Variants in LPGAT1 observed in about 807,000 individuals in gnomAD.
LPGAT1 encodes acyl-CoA:lysophosphatidylglycerol acyltransferase 1.
A neutral mutation model predicts 47.5 loss-of-function variants in LPGAT1; 11 were observed. The ratio of observed to expected loss-of-function variants is 0.23; its 90% confidence interval spans 0.15 to 0.38. The LOEUF is 0.38. Ranked by LOEUF, LPGAT1 falls within the 10% of genes least tolerant of loss-of-function variation. LPGAT1 has a pLI of 1.00. For missense variants in LPGAT1, 293 were observed against 439.0 expected, an observed-to-expected ratio of 0.67 and a Z score of 2.97; for synonymous variants, 138 against 144.2, an observed-to-expected ratio of 0.96 and a Z score of 0.31.
At chr1:211,812,962 C>A (rs536553472) in intron 2 of LPGAT1, among the ~76,000 whole-genome samples, 2 of 152,294 alleles carry the variant, frequency 1.3e-5, no homozygotes, top group East Asian at 3.9e-4. Context: ...TTGGTAGTCA[C>A]AGGAAACTAA....
At chr1:211,825,188 CTTTTTTTTTTTTTT>C (rs953536979) in intron 2 of LPGAT1, among the ~76,000 whole-genome samples, 16 of 70,902 alleles carry the variant, frequency 2.3e-4, no homozygotes, top group Middle Eastern at 0.025. Flanking sequence ...GCACAGTCTT[CTTTTTTTTTTTTTT>C]TTTTTTTTTT....
intron 6 of LPGAT1, among the ~76,000 whole-genome samples, chr1:211,773,581 C>A (rs946306632): frequency 6.6e-6 from 1 of 152,176 alleles, no homozygotes; most frequent in African/African-American, 2.4e-5. Context: ...TAAGCTACTT[C>A]TGCACAAGGA....
chr1:211,820,825 C>T (rs192751784), intron 2 of LPGAT1, among the ~76,000 whole-genome samples: 18 of 152,080 alleles, frequency 1.2e-4, no homozygotes, highest in Non-Finnish European at 2.1e-4. Flanking sequence ...AATGAAAATA[C>T]GTTTGAATCT....
rs1396147082 is a variant in LPGAT1, at chr1:211,772,185, T to C, written c.854+6733A>G. On this transcript the variant is annotated intron_variant, in intron 6 of 7. Coordinates refer to ENST00000366997, the MANE Select transcript of LPGAT1 (RefSeq NM_014873.3). ...GAATCAACAGTCCCAAAGCCATTTA[T>C]TGGATAGTTTGTCGTTTCTCCATTG... Among the ~76,000 whole-genome samples, 6 of 152,234 alleles carry C rather than the reference T, an allele frequency of 3.9e-5. No homozygotes were observed. In the South Asian group the frequency reaches 1.2e-3, roughly 31 times the overall value.
chr1:211,758,394 T>G (rs1017734136), intron 6 of LPGAT1, among the ~76,000 whole-genome samples: 5 of 152,182 alleles, frequency 3.3e-5, no homozygotes, highest in African/African-American at 1.2e-4. Context: ...TCTTGTCATA[T>G]TGCTCTGGTA....
chr1:211,789,985 G>A (rs1042869967), intron 3 of LPGAT1, among the ~76,000 whole-genome samples: 1 of 151,902 alleles, frequency 6.6e-6, no homozygotes, highest in African/African-American at 2.4e-5. Context: ...GTCAATGTTT[G>A]ATAGGTCTGT....
At chr1:211,765,959 T>C (rs1657892053) in intron 6 of LPGAT1, among the ~76,000 whole-genome samples, 1 of 152,092 alleles carries the variant, frequency 6.6e-6, no homozygotes, top group Admixed American at 6.6e-5. Flanking sequence ...AGGCAACATT[T>C]AATCCATTGA....
intron 6 of LPGAT1, among the ~76,000 whole-genome samples, chr1:211,770,548 A>G (rs1188221047): frequency 6.6e-6 from 1 of 152,238 alleles, no homozygotes; most frequent in East Asian, 1.9e-4. Context: ...TGCATATATG[A>G]CAATGGTTCC....
intron 6 of LPGAT1, among the ~76,000 whole-genome samples, chr1:211,752,117 G>A (rs7518285): frequency 0.34 from 51,153 of 152,028 alleles, 10,173 homozygotes; most frequent in East Asian, 0.72. Flanking sequence ...GCTAAGCCAC[G>A]GAGTAAATCG....
chr1:211,820,002 C>A (rs1660313004), intron 2 of LPGAT1, among the ~76,000 whole-genome samples: 1 of 151,564 alleles, frequency 6.6e-6, no homozygotes, highest in Non-Finnish European at 1.5e-5. Context: ...AAAAGGCAGG[C>A]AGGGGGGTGG....
intron 6 of LPGAT1, among the ~76,000 whole-genome samples, chr1:211,770,411 T>C (rs1658115948): frequency 6.6e-6 from 1 of 152,240 alleles, no homozygotes; most frequent in Non-Finnish European, 1.5e-5. Flanking sequence ...CTATAAACAA[T>C]GAAAAGTCTT....
At chr1:211,763,255 T>G (rs1244186771) in intron 6 of LPGAT1, among the ~76,000 whole-genome samples, 1 of 152,248 alleles carries the variant, frequency 6.6e-6, no homozygotes, top group African/African-American at 2.4e-5. Flanking sequence ...GATTTGGTCA[T>G]GAGTGTTCTG....
intron 2 of LPGAT1, among the ~76,000 whole-genome samples, chr1:211,802,724 G>T (rs1031661930): frequency 3.3e-5 from 5 of 152,078 alleles, no homozygotes; most frequent in Non-Finnish European, 7.4e-5. Context: ...CAGAGAAAAA[G>T]AAATCAAAGA....
At chr1:211,752,091 T>C (rs1657212411) in intron 6 of LPGAT1, among the ~76,000 whole-genome samples, 1 of 152,250 alleles carries the variant, frequency 6.6e-6, no homozygotes, top group Non-Finnish European at 1.5e-5. Flanking sequence ...AATACAATCA[T>C]GTAAATATAT....
intron 5 of LPGAT1, among the ~76,000 whole-genome samples, chr1:211,781,555 C>A (rs1658644812): frequency 6.6e-6 from 1 of 152,142 alleles, no homozygotes; most frequent in African/African-American, 2.4e-5. Context: ...GACTGCCAAG[C>A]AGCTGCTTGG....
intron 6 of LPGAT1, among the ~76,000 whole-genome samples, chr1:211,775,106 T>C (rs989019098): frequency 2.0e-5 from 3 of 152,286 alleles, no homozygotes; most frequent in Admixed American, 2.0e-4. Context: ...GTGGAATTTA[T>C]TTGGTAGCTT....
At chr1:211,802,135 A>G (rs1400637173) in intron 2 of LPGAT1, among the ~76,000 whole-genome samples, 1 of 151,776 alleles carries the variant, frequency 6.6e-6, no homozygotes, top group East Asian at 1.9e-4. Context: ...AAGGTATATA[A>G]AATCCTGAAT....
At chr1:211,783,671 G>A (rs769666463) in intron 4 of LPGAT1, among the ~76,000 whole-genome samples, 169 bp from the exon 5 acceptor site, 64 of 152,314 alleles carry the variant, frequency 4.2e-4, no homozygotes, top group Admixed American at 1.5e-3. Flanking sequence ...GGTAAAAAGA[G>A]AGAAGTTATT....
chr1:211,787,463 G>A (rs1179202063), intron 4 of LPGAT1, among the ~76,000 whole-genome samples, 169 bp downstream of exon 4: 2 of 150,372 alleles, frequency 1.3e-5, no homozygotes, highest in Non-Finnish European at 3.0e-5. Flanking sequence ...ACGCTAGCCT[G>A]GGCGACAGAG....
Sources: allele counts gnomAD v4.1 joint callset (sites outside exome capture counted in the v4.1 genomes callset), GRCh38; gene constraint gnomAD v4.1.1; transcripts MANE v1.5; gene names NCBI Gene and HGNC (gene_info 2026-07-23, HGNC 2026-07-21).